Variants in TSC22D1 observed in about 807,000 individuals in gnomAD.
TSC22D1 encodes TSC22 domain family protein 1.
In TSC22D1, 9 loss-of-function variants were observed where a neutral mutation model predicts 74.2. The ratio of observed to expected loss-of-function variants is 0.12; its 90% CI spans 0.07 to 0.21. The LOEUF (loss-of-function observed/expected upper bound fraction) is 0.21, where lower values mean the gene tolerates loss of function less well. TSC22D1 is among the 10% of genes least tolerant of loss of function. The pLI is 1.00. For missense variants in TSC22D1, 1,427 were observed against 1,304.7 expected (o/e 1.09, Z -1.44); for synonymous variants, 586 against 492.5 (o/e 1.19, Z -2.51).
At chr13:44,444,036 C>T (rs1000282065) in intron 1 of TSC22D1, among the ~76,000 whole-genome samples, 4 of 151,822 alleles carry the variant, frequency 2.6e-5, no homozygotes, top group African/African-American at 9.7e-5. Flanking sequence ...CCTGTAATCC[C>T]AGCACTTTGG....
At chr13:44,447,711 C>T (rs1300328663) in intron 1 of TSC22D1, among the ~76,000 whole-genome samples, 2 of 151,692 alleles carry the variant, frequency 1.3e-5, no homozygotes, top group African/African-American at 2.4e-5. Context: ...TTTATAATTA[C>T]TTTTAAATTG....
rs528642972 is a variant in TSC22D1 at position 44,573,174 on chromosome 13, G to A, written c.2901C>T (p.Gly967=). 17 of 1,613,608 alleles carry A rather than the reference G, an allele frequency of 1.1e-5. No homozygotes were observed. The highest frequency in any genetic ancestry group is 6.7e-5 in the Admixed American group (4 of 59,984). Residue 967 remains glycine, a synonymous_variant, in exon 1 of 3, where the codon GGC becomes GGT. Transcript: ENST00000458659. Reference sequence around the variant, plus strand: ...TGACATGATCTTACCTCTCATCCTCGCCATCCACCAGGGGTGTCGTCAGCG... The same window carrying A: ...TGACATGATCTTACCTCTCATCCTCACCATCCACCAGGGGTGTCGTCAGCG... ...VLPLTTPLVD[G]EDESSSGASV... is the part of the protein sequence containing the mutation.
At chr13:44,439,091 T>C (rs1300216855) in intron 1 of TSC22D1, among the ~76,000 whole-genome samples, 1 of 152,220 alleles carries the variant, frequency 6.6e-6, no homozygotes, top group Non-Finnish European at 1.5e-5. Flanking sequence ...TTCAATCATT[T>C]TAACTGATCA....
chr13:44,435,379 C>G (rs965745844), intron 2 of TSC22D1: 2 of 156,994 alleles, frequency 1.3e-5, no homozygotes, highest in Admixed American at 1.3e-4. Flanking sequence ...GGGCAGACGT[C>G]GCAGCCAATG....
intron 1 of TSC22D1, among the ~76,000 whole-genome samples, chr13:44,487,075 A>T (rs1354941215): frequency 2.0e-5 from 3 of 152,204 alleles, no homozygotes; most frequent in Non-Finnish European, 4.4e-5. Flanking sequence ...ACTGCCAAGT[A>T]ACAGAAGATG....
At chr13:44,448,334 A>G (rs886260900) in intron 1 of TSC22D1, among the ~76,000 whole-genome samples, 4 of 152,208 alleles carry the variant, frequency 2.6e-5, no homozygotes, top group African/African-American at 9.6e-5. Flanking sequence ...AAGCAGTCCT[A>G]AAAGACCTGG....
chr13:44,468,462 T>C (rs1490368610), intron 1 of TSC22D1, among the ~76,000 whole-genome samples: 1 of 150,010 alleles, frequency 6.7e-6, no homozygotes, highest in Non-Finnish European at 1.5e-5. Flanking sequence ...TATCATCTTA[T>C]TTCGTTCCTG....
intron 1 of TSC22D1, among the ~76,000 whole-genome samples, chr13:44,454,987 C>T (rs1595089955): frequency 6.6e-6 from 1 of 152,092 alleles, no homozygotes; most frequent in Non-Finnish European, 1.5e-5. Flanking sequence ...AGGAACTGTT[C>T]TAGGCACAGG....
rs1475762490 is a variant in TSC22D1, at chr13:44,573,674, G to T, written c.2401C>A (p.Pro801Thr). Residue 801 changes from proline to threonine, a missense_variant, in exon 1 of 3, where the codon CCC becomes ACC. Pro to Thr is a conservative substitution (Grantham distance 38). This residue lies in a region of TSC22D1 where 1,343 missense variants were observed against 1,191.5 expected (regional missense o/e 1.13). Transcript: ENST00000458659. ...ACTGGTTCTACTCCTTGTGGCTGGGGAGGCACAGTTAACAAGGAACTTTGG... is the reference window on the plus strand; with the variant it reads ...ACTGGTTCTACTCCTTGTGGCTGGGTAGGCACAGTTAACAAGGAACTTTGG... ...ASQSSLLTVPPQPQGVEPVAQ... is the reference protein window; with the variant it reads ...ASQSSLLTVPTQPQGVEPVAQ... 1 of 1,614,108 alleles carries T rather than the reference G, an allele frequency of 6.2e-7. No homozygotes were observed. The highest frequency in any genetic ancestry group is 8.5e-7 in the Non-Finnish European group (1 of 1,180,048).
In TSC22D1 at chr13:44,576,100, G is replaced by A. The variant is rs1237338559; in HGVS notation, c.-26C>T. On this transcript the variant is annotated 5_prime_UTR_variant, in exon 1 of 3. Coordinates refer to ENST00000458659, the MANE Select transcript of TSC22D1 (RefSeq NM_183422.4). ...TGTGTTGGGTACCGGGGGCGCGGAG[G>A]AGACGAGTGCAATTTCCTTCTGCAC... is the stretch of plus-strand genomic sequence containing the variant. 1.8e-5 allele frequency: 27 copies of A among 1,493,060 alleles called. No individual in the cohort carries two copies. Among genetic ancestry groups the A allele is most frequent in the Non-Finnish European group, 2.4e-5 (27 of 1,127,822 alleles). The allele number at this position is 1,493,060 out of a possible 1,614,324, so 92.5% of individuals were successfully genotyped here.
chr13:44,526,438 CAA>C (rs1007093190), intron 1 of TSC22D1, among the ~76,000 whole-genome samples: 2 of 149,424 alleles, frequency 1.3e-5, no homozygotes, highest in Admixed American at 6.7e-5. Context: ...TCAGTGAGCT[CAA>C]AGATACGTCA....
At chr13:44,564,068 T>C (rs958494129) in intron 1 of TSC22D1, among the ~76,000 whole-genome samples, 4 of 152,208 alleles carry the variant, frequency 2.6e-5, no homozygotes, top group African/African-American at 9.6e-5. Context: ...TAATTCTCTC[T>C]TAAAGGAGAA....
At position 44,575,129 on chromosome 13, in the gene TSC22D1, C is replaced by T. The variant is rs1884115491; in HGVS notation, c.946G>A (p.Val316Ile). 6.2e-7 allele frequency: 1 copy of T among 1,614,202 alleles called. No individual in the cohort carries two copies. The highest frequency in any genetic ancestry group is 8.5e-7 in the Non-Finnish European group (1 of 1,180,040). Residue 316 changes from valine to isoleucine, a missense_variant, in exon 1 of 3, where the codon GTT (valine) becomes ATT (isoleucine). Val to Ile is a conservative substitution (Grantham distance 29). Around this residue, in one of 3 missense-constraint regions of TSC22D1, gnomAD observed 1,343 missense variants for 1,191.5 expected, o/e 1.13. Transcript: ENST00000458659. The stretch of plus-strand genomic sequence containing the variant: ...AAACTACCCACAGCAGTAATGTTAA[C>T]ATTATTTACTGTACTAGTGCCAGTA... The part of the protein sequence containing the change: ...SVTGTSTVNN[V>I]NITAVGSFNP...
At chr13:44,505,415 G>A (rs763898740) in intron 1 of TSC22D1, among the ~76,000 whole-genome samples, 4 of 152,204 alleles carry the variant, frequency 2.6e-5, no homozygotes, top group South Asian at 4.1e-4. Flanking sequence ...TTAGCCAGGC[G>A]TGGTGGTGCG....
Position 44,574,625 on chromosome 13 carries a change from C to T in TSC22D1, c.1450G>A (p.Val484Met). 6.2e-7 allele frequency: 1 copy of T among 1,614,094 alleles called. No homozygotes were observed. ...VSTLSHYTES[V>M]GSGEMGAPTV... Reference sequence around the variant, plus strand: ...GGGGCTCCCATCTCTCCACTTCCCACACTCTCTGTATAGTGACTCAGTGTG... The same window carrying T: ...GGGGCTCCCATCTCTCCACTTCCCATACTCTCTGTATAGTGACTCAGTGTG... Residue 484 changes from valine (V) to methionine (M), a missense_variant, in exon 1 of 3, where the codon GTG (valine) becomes ATG (methionine). Val to Met is a conservative substitution (Grantham distance 21). Transcript: ENST00000458659.
At chr13:44,449,665 G>A (rs986268914) in intron 1 of TSC22D1, among the ~76,000 whole-genome samples, 2 of 151,538 alleles carry the variant, frequency 1.3e-5, no homozygotes, top group African/African-American at 4.9e-5. Flanking sequence ...GATTAAATAA[G>A]GGTAAGAAGA....
intron 1 of TSC22D1, among the ~76,000 whole-genome samples, chr13:44,494,921 A>G (rs1878896945): frequency 6.6e-6 from 1 of 152,230 alleles, no homozygotes; most frequent in African/African-American, 2.4e-5. Flanking sequence ...CAGAAAGTAT[A>G]AAAAGGAACC....
intron 1 of TSC22D1, among the ~76,000 whole-genome samples, chr13:44,454,698 A>G (rs541335614): frequency 1.3e-5 from 2 of 152,266 alleles, no homozygotes; most frequent in African/African-American, 4.8e-5. Context: ...TATGTATATT[A>G]CCTCATTTAA....
At chr13:44,570,327 A>C (rs865786044) in intron 1 of TSC22D1, among the ~76,000 whole-genome samples, 5 of 152,004 alleles carry the variant, frequency 3.3e-5, no homozygotes, top group Middle Eastern at 3.4e-3. Flanking sequence ...GGTAGCTGGA[A>C]CTACAGGCAT....
Sources: allele counts gnomAD v4.1 joint callset (sites outside exome capture counted in the v4.1 genomes callset), GRCh38; gene constraint gnomAD v4.1.1; regional missense constraint gnomAD v4.1.1; transcripts MANE v1.5; gene names NCBI Gene and HGNC (gene_info 2026-07-23, HGNC 2026-07-21).